IQCM: variants seen among roughly 807,000 people sequenced by gnomAD.
IQCM encodes the protein IQ domain-containing protein M.
IQCM carries 45 observed loss-of-function variants against 57.6 expected under a neutral mutation model. That is an observed-to-expected ratio of 0.78 (90% CI 0.62 to 1.00). The LOEUF is 1.00. Ranked by LOEUF, IQCM falls within the 50% of genes least tolerant of loss-of-function variation. IQCM has a pLI of 0.00. For missense variants in IQCM, 468 were observed against 511.6 expected, an observed-to-expected ratio of 0.91 and a Z score of 0.82; for synonymous variants, 148 against 158.9, an observed-to-expected ratio of 0.93 and a Z score of 0.51.
Position 149,548,533 on chromosome 4 carries a change from G to A in IQCM, c.1150C>T (p.Leu384Phe). The A allele has an allele frequency of 8.1e-7, 1 of 1,230,322 alleles. No individual in the cohort carries two copies. Among genetic ancestry groups the A allele is most frequent in the Non-Finnish European group, 1.0e-6 (1 of 986,374 alleles). 76.2% of individuals were successfully genotyped at this position (1,230,322 alleles called of 1,614,324 possible). A position where few individuals can be genotyped will look rare whatever the true frequency, so the allele number is the denominator to read the frequency against. Residue 384 changes from leucine to phenylalanine, a missense_variant, in exon 12 of 14, where the codon CTC becomes TTC. Physicochemically the swap from Leu to Phe is conservative, Grantham distance 22. Coordinates refer to ENST00000636793, the MANE Select transcript of IQCM (RefSeq NM_001363507.2). ...EDWPKIERNE[L>F]PNFFSDCGHF... ...CCACAGTCACTGAAGAAATTGGGGA[G>A]CTCATTTCTTTCAATTTTTGGCCAA...
intron 12 of IQCM, among the ~76,000 whole-genome samples, chr4:149,464,276 T>G (rs1738612991): frequency 6.6e-6 from 1 of 152,178 alleles, no homozygotes; most frequent in South Asian, 2.1e-4. Context: ...TCTGAGATTA[T>G]ATGTTGGTTT....
chr4:149,662,700 T>G (rs1377911778), intron 7 of IQCM, among the ~76,000 whole-genome samples: 2 of 151,952 alleles, frequency 1.3e-5, no homozygotes, highest in African/African-American at 4.8e-5. Flanking sequence ...TAAAGCCTAT[T>G]TTTTTACATA....
At chr4:149,375,578 A>G (rs550076810) in intron 13 of IQCM, among the ~76,000 whole-genome samples, 232 of 152,332 alleles carry the variant, frequency 1.5e-3, no homozygotes, top group African/African-American at 5.3e-3. Context: ...TGAAAAATTA[A>G]TCAGGTTAAT....
intron 5 of IQCM, among the ~76,000 whole-genome samples, chr4:149,695,540 A>G (rs1368121142): frequency 6.6e-6 from 1 of 152,176 alleles, no homozygotes; most frequent in Admixed American, 6.5e-5. Flanking sequence ...CCTTTTCAAG[A>G]GTTATGTGGT....
chr4:149,511,583 T>TA (rs924354760), intron 12 of IQCM, among the ~76,000 whole-genome samples: 2 of 151,518 alleles, frequency 1.3e-5, no homozygotes, highest in Non-Finnish European at 2.9e-5. Flanking sequence ...ATTAAACATT[T>TA]AAAAAAATGT....
intron 9 of IQCM, among the ~76,000 whole-genome samples, chr4:149,570,056 A>T (rs1751011529): frequency 6.6e-6 from 1 of 151,972 alleles, no homozygotes; most frequent in African/African-American, 2.4e-5. Context: ...TCCTAATAAA[A>T]ATGTTCATAT....
chr4:149,761,717 A>T (rs551282078), intron 2 of IQCM, among the ~76,000 whole-genome samples: 1 of 152,096 alleles, frequency 6.6e-6, no homozygotes, highest in Non-Finnish European at 1.5e-5. Flanking sequence ...TCTCTAATAC[A>T]AGTGTTCAAA....
intron 8 of IQCM, among the ~76,000 whole-genome samples, chr4:149,593,261 T>G (rs1406064465): frequency 1.3e-5 from 2 of 152,178 alleles, no homozygotes; most frequent in Non-Finnish European, 2.9e-5. Flanking sequence ...TCTGTTTGTC[T>G]GTTATTGGTG....
chr4:149,497,686 C>T (rs377148584), intron 12 of IQCM, among the ~76,000 whole-genome samples: 2 of 149,508 alleles, frequency 1.3e-5, no homozygotes, highest in African/African-American at 2.5e-5. Context: ...CAAACCATAT[C>T]GGTCACTTTT....
At chr4:149,662,713 C>T (rs1422400412) in intron 7 of IQCM, among the ~76,000 whole-genome samples, 1 of 151,930 alleles carries the variant, frequency 6.6e-6, no homozygotes, top group Non-Finnish European at 1.5e-5. Context: ...TTTACATAAG[C>T]ATGGCTACTC....
intron 2 of IQCM, among the ~76,000 whole-genome samples, chr4:149,762,432 G>T (rs946502848): frequency 6.6e-6 from 1 of 151,778 alleles, no homozygotes; most frequent in Non-Finnish European, 1.5e-5. Context: ...ATGTGACAGG[G>T]GAAATTCTTT....
At position 149,588,956 on chromosome 4, in the gene IQCM, C is replaced by T. The variant is rs546536946; in HGVS notation, c.682-959G>A. Among the ~76,000 whole-genome samples the T allele has an allele frequency of 1.1e-3, 167 of 151,940 alleles. 1 individual carries two copies. The highest frequency in any genetic ancestry group is 1.8e-3 in the Non-Finnish European group (123 of 67,912). On this transcript the variant is annotated intron_variant, in intron 8 of 13. Coordinates refer to ENST00000636793, the MANE Select transcript of IQCM (RefSeq NM_001363507.2). Reference sequence around the variant, plus strand: ...ATACCAGCTTCAACAGCATCACTTCCAACAATTTATGGATTTTTCTTATAT... The same window carrying T: ...ATACCAGCTTCAACAGCATCACTTCTAACAATTTATGGATTTTTCTTATAT...
At chr4:149,708,590 A>T (rs1445077257) in intron 5 of IQCM, among the ~76,000 whole-genome samples, 3 of 152,166 alleles carry the variant, frequency 2.0e-5, no homozygotes, top group African/African-American at 7.2e-5. Flanking sequence ...AAGGCTTTAA[A>T]GAAATGCAAA....
intron 5 of IQCM, among the ~76,000 whole-genome samples, chr4:149,726,140 A>AAAG (rs1302249812): frequency 0.025 from 3,287 of 129,256 alleles, 101 homozygotes; most frequent in African/African-American, 0.068. Context: ...AGAAAGAAAG[A>AAAG]AAAGAAAGAA....
intron 12 of IQCM, among the ~76,000 whole-genome samples, chr4:149,475,893 A>G (rs971877976): frequency 6.6e-6 from 1 of 152,126 alleles, no homozygotes; most frequent in Non-Finnish European, 1.5e-5. Flanking sequence ...CATGAGGGAC[A>G]GGGTAGGAAG....
chr4:149,385,812 T>C (rs1290798189), intron 13 of IQCM, among the ~76,000 whole-genome samples: 1 of 152,148 alleles, frequency 6.6e-6, no homozygotes, highest in Non-Finnish European at 1.5e-5. Context: ...ACGACTACCA[T>C]AATTCAAATT....
chr4:149,750,561 C>T (rs373265506), intron 2 of IQCM, among the ~76,000 whole-genome samples: 6 of 152,092 alleles, frequency 3.9e-5, no homozygotes, highest in South Asian at 2.1e-4. Context: ...TGAAGAGTCC[C>T]GTATCAATAC....
intron 12 of IQCM, among the ~76,000 whole-genome samples, chr4:149,493,727 C>T (rs1417055245): frequency 6.6e-6 from 1 of 151,928 alleles, no homozygotes; most frequent in African/African-American, 2.4e-5. Flanking sequence ...ATTCACCTTG[C>T]TATGGACCTT....
chr4:149,531,926 T>C (rs1049795634), intron 12 of IQCM, among the ~76,000 whole-genome samples: 3 of 152,142 alleles, frequency 2.0e-5, no homozygotes, highest in Admixed American at 6.6e-5. Flanking sequence ...ATATTGTTTA[T>C]AGTAGGTGTC....
Sources: gnomAD v4.1 joint callset for allele counts (sites outside exome capture counted in the v4.1 genomes callset) on GRCh38, gnomAD v4.1.1 for gene constraint, MANE v1.5 for transcripts, NCBI Gene and HGNC (gene_info 2026-07-23, HGNC 2026-07-21) for gene names.